EPB41L5: variants seen among roughly 807,000 people sequenced by gnomAD.
The protein encoded by EPB41L5 is erythrocyte membrane protein band 4.1 like 5.
In EPB41L5, 55 loss-of-function variants were observed where a neutral mutation model predicts 106.6. The observed-to-expected ratio is 0.52, with a 90% CI of 0.42 to 0.65. The LOEUF (loss-of-function observed/expected upper bound fraction) is 0.65. Ranked by LOEUF, EPB41L5 falls within the 30% of genes least tolerant of loss-of-function variation. EPB41L5 has a pLI of 0.00. For synonymous variants in EPB41L5, 297 were observed against 306.7 expected, an observed-to-expected ratio of 0.97 and a Z score of 0.33; for missense variants, 871 against 882.1, an observed-to-expected ratio of 0.99 and a Z score of 0.16.
intron 13 of EPB41L5, among the ~76,000 whole-genome samples, chr2:120,092,960 G>C (rs1248846025): frequency 6.6e-6 from 1 of 152,182 alleles, no homozygotes; most frequent in African/African-American, 2.4e-5. Context: ...TATGGTTGGG[G>C]CCAAATGTGG....
At position 120,072,838 on chromosome 2, in the gene EPB41L5, T is replaced by A. The variant is rs967398663; in HGVS notation, c.286-340T>A. ...GGAGAAATATCTAATGTAGATGATG[T>A]GTTGATGGGTGCAGCAAACCACCAT... On this transcript the variant is annotated intron_variant, in intron 3 of 24. Coordinates refer to ENST00000263713, the MANE Select transcript of EPB41L5 (RefSeq NM_020909.4). Among the ~76,000 whole-genome samples, 5 of 151,840 alleles carry A rather than the reference T, an allele frequency of 3.3e-5. No individual in the cohort carries two copies. In the South Asian group the frequency reaches 1.0e-3, roughly 32 times the overall value.
At chr2:120,075,894 C>A (rs1233976169) in intron 7 of EPB41L5, 141 bp downstream of exon 7, 3 of 680,436 alleles carry the variant, frequency 4.4e-6, no homozygotes, top group African/African-American at 3.6e-5. Context: ...CCAACTCTGA[C>A]TTTTACTTGT....
rs141166100 is a variant in EPB41L5 at position 120,100,806 on chromosome 2, C to G, written c.1329C>G (p.Asp443Glu). Residue 443 changes from aspartate to glutamate, a missense_variant, in exon 16 of 25, where the codon GAC becomes GAG. Transcript: ENST00000263713. ...AGAGTCCTGGAACAGACCAGCATGACAGGAAATGGTTTGTTAATTCCTTAA... is the reference window on the plus strand; with the variant it reads ...AGAGTCCTGGAACAGACCAGCATGAGAGGAAATGGTTTGTTAATTCCTTAA... Reference protein sequence around the residue: ...LPQSPGTDQHDRKCIPLNIDL... With the variant: ...LPQSPGTDQHERKCIPLNIDL... 1.8e-4 allele frequency: 290 copies of G among 1,593,610 alleles called. 1 individual carries two copies. Among genetic ancestry groups the G allele is most frequent in the Non-Finnish European group, 2.4e-4 (279 of 1,166,656 alleles).
At chr2:120,128,345 T>C (rs1685553566) in intron 17 of EPB41L5, among the ~76,000 whole-genome samples, 1 of 151,642 alleles carries the variant, frequency 6.6e-6, no homozygotes, top group Non-Finnish European at 1.5e-5. Flanking sequence ...GTCTATGTAT[T>C]TGTGAGTTTA....
intron 1 of EPB41L5, among the ~76,000 whole-genome samples, chr2:120,017,066 C>T (rs1263040205): frequency 6.6e-6 from 1 of 152,166 alleles, no homozygotes; most frequent in Non-Finnish European, 1.5e-5. Flanking sequence ...TCTTAAAAAT[C>T]GGATTTTATC....
At chr2:120,149,130 C>T (rs1355978944) in intron 20 of EPB41L5, among the ~76,000 whole-genome samples, 1 of 152,028 alleles carries the variant, frequency 6.6e-6, no homozygotes, top group Non-Finnish European at 1.5e-5. Context: ...GTTGAACATC[C>T]TTTCGTGTAT....
intron 3 of EPB41L5, among the ~76,000 whole-genome samples, chr2:120,060,786 C>T (rs1195414242): frequency 6.6e-6 from 1 of 152,068 alleles, no homozygotes; most frequent in East Asian, 1.9e-4. Context: ...TAATATTGTA[C>T]TGTAGTTATG....
chr2:120,049,600 G>A (rs1300244639), intron 3 of EPB41L5, among the ~76,000 whole-genome samples: 1 of 152,088 alleles, frequency 6.6e-6, no homozygotes, highest in African/African-American at 2.4e-5. Context: ...GTACACTGGG[G>A]GGTCTTGACT....
chr2:120,178,881 A>G lies in EPB41L5; in HGVS notation c.*3974A>G, dbSNP rs1458815944. ...ATTCCTTTGCCCCTTTTATCTCCTT[A>G]TCTGGATATGATAAGTGGTTATGAG... is the stretch of plus-strand genomic sequence containing the variant. On this transcript the variant is annotated 3_prime_UTR_variant, in exon 25 of 25. Transcript: ENST00000263713. 1 of 152,110 alleles carries G rather than the reference A, an allele frequency of 6.6e-6. No homozygotes were observed. Among genetic ancestry groups the G allele is most frequent in the East Asian group, 1.9e-4 (1 of 5,194 alleles). The allele number at this position is 152,110 out of a possible 1,614,324, so 9.4% of individuals were successfully genotyped here. A position where few individuals can be genotyped will look rare whatever the true frequency, so the allele number is the denominator to read the frequency against.
intron 20 of EPB41L5, among the ~76,000 whole-genome samples, chr2:120,157,357 C>G (rs746108264): frequency 9.2e-5 from 14 of 151,826 alleles, no homozygotes; most frequent in Non-Finnish European, 1.3e-4. Flanking sequence ...AATTTAACAA[C>G]CTAATATCAC....
In EPB41L5 at chr2:120,051,857, T is replaced by G. The variant is rs150126259; in HGVS notation, c.285+9747T>G. Among the ~76,000 whole-genome samples, 376 of 152,136 alleles carry G rather than the reference T, an allele frequency of 2.5e-3. 18 individuals carry two copies. The East Asian group carries it at 0.051, about 21-fold the overall frequency. On this transcript the variant is annotated intron_variant, in intron 3 of 24. Transcript: ENST00000263713. ...TTGTTTTTTTTTTGAGACAGAGTCTTGCTCTGTCACCCAGGCTGGAGTGCA... is the reference window on the plus strand; with the variant it reads ...TTGTTTTTTTTTTGAGACAGAGTCTGGCTCTGTCACCCAGGCTGGAGTGCA...
At chr2:120,134,328 A>G (rs1331024115) in intron 18 of EPB41L5, among the ~76,000 whole-genome samples, 1 of 152,164 alleles carries the variant, frequency 6.6e-6, no homozygotes, top group African/African-American at 2.4e-5. Flanking sequence ...AGCTCCTTAG[A>G]CGGCATTTCT....
intron 3 of EPB41L5, among the ~76,000 whole-genome samples, chr2:120,056,632 A>G (rs958241782): frequency 6.7e-6 from 1 of 149,124 alleles, no homozygotes; most frequent in Non-Finnish European, 1.5e-5. Flanking sequence ...TTATTTTGGT[A>G]CTATATTCAT....
rs1251402288 is a variant in EPB41L5, at chr2:120,133,607, C to G, written c.1599+1892C>G. On this transcript the variant is annotated intron_variant, in intron 18 of 24. Transcript: ENST00000263713. ...AATCTTCCATCCTAGCAATTGGAAC[C>G]TGAGTTCCAGCTAGCCCACCGCTGT... Among the ~76,000 whole-genome samples, 4 of 152,160 alleles carry G rather than the reference C, an allele frequency of 2.6e-5. No homozygotes were observed. In the East Asian group the frequency reaches 7.7e-4, roughly 29 times the overall value.
chr2:120,093,655 A>G (rs1683558852), intron 14 of EPB41L5, among the ~76,000 whole-genome samples: 2 of 152,120 alleles, frequency 1.3e-5, no homozygotes, highest in African/African-American at 4.8e-5. Context: ...TGGTGTATAG[A>G]CCTTCTTTAT....
intron 16 of EPB41L5, among the ~76,000 whole-genome samples, chr2:120,109,186 A>T (rs964550209): frequency 6.6e-6 from 1 of 152,176 alleles, no homozygotes; most frequent in African/African-American, 2.4e-5. Context: ...CCAACTCTGT[A>T]TACTCTGCAT....
intron 2 of EPB41L5, among the ~76,000 whole-genome samples, chr2:120,039,206 T>C (rs1679236201): frequency 1.3e-5 from 2 of 152,074 alleles, no homozygotes; most frequent in Admixed American, 1.3e-4. Flanking sequence ...TCTACTTATG[T>C]GAGATACATG....
chr2:120,087,031 A>G (rs1168662182), intron 10 of EPB41L5, 140 bp from the exon 11 acceptor site: 10 of 559,392 alleles, frequency 1.8e-5, no homozygotes, highest in Admixed American at 6.8e-5. Context: ...TTTGATGGGC[A>G]TTGCAAGTTA....
chr2:120,056,941 G>T (rs1680694691), intron 3 of EPB41L5, among the ~76,000 whole-genome samples: 2 of 152,122 alleles, frequency 1.3e-5, no homozygotes, highest in African/African-American at 4.8e-5. Context: ...TTGTCACCCA[G>T]GCTGGAGTGT....
Sources: gnomAD v4.1 joint callset for allele counts (sites outside exome capture counted in the v4.1 genomes callset) on GRCh38, gnomAD v4.1.1 for gene constraint, MANE v1.5 for transcripts, NCBI Gene and HGNC (gene_info 2026-07-23, HGNC 2026-07-21) for gene names.